Variants in KCNQ5 observed in about 807,000 individuals in gnomAD.
KCNQ5 encodes the protein potassium voltage-gated channel subfamily Q member 5, also known as potassium voltage-gated channel subfamily KQT member 5.
In KCNQ5, 30 loss-of-function variants were observed where a neutral mutation model predicts 98.2. That is an observed-to-expected ratio of 0.31 (90% CI 0.23 to 0.41). The LOEUF (loss-of-function observed/expected upper bound fraction) is 0.41. KCNQ5 is among the 10% of genes least tolerant of loss of function. The pLI is 1.00. For missense variants in KCNQ5, 835 were observed against 1,182.5 expected (o/e 0.71, Z 4.31); for synonymous variants, 458 against 449.4 (o/e 1.02, Z -0.24).
chr6:73,000,254 TG>T (rs1310234916), intron 1 of KCNQ5, among the ~76,000 whole-genome samples: 1 of 152,160 alleles, frequency 6.6e-6, no homozygotes, highest in Non-Finnish European at 1.5e-5. Context: ...GGTCACTCTG[TG>T]TCAGTTCAGT....
At chr6:72,688,490 CTG>C (rs1170380926) in intron 1 of KCNQ5, among the ~76,000 whole-genome samples, 2 of 152,120 alleles carry the variant, frequency 1.3e-5, no homozygotes, top group Non-Finnish European at 2.9e-5. Flanking sequence ...TACAGGGTCT[CTG>C]TGGCAGAATG....
chr6:73,084,219 A>G (rs1773891065), intron 5 of KCNQ5, among the ~76,000 whole-genome samples: 1 of 152,200 alleles, frequency 6.6e-6, no homozygotes, highest in African/African-American at 2.4e-5. Flanking sequence ...AGGGGGCGGG[A>G]TGTGATGGAA....
intron 1 of KCNQ5, among the ~76,000 whole-genome samples, chr6:72,709,745 G>C (rs1015045567): frequency 2.0e-5 from 3 of 152,038 alleles, no homozygotes; most frequent in African/African-American, 7.3e-5. Context: ...CTGTACTACA[G>C]AGATTACCCT....
At chr6:73,104,476 A>G (rs1222873991) in intron 5 of KCNQ5, among the ~76,000 whole-genome samples, 1 of 152,160 alleles carries the variant, frequency 6.6e-6, no homozygotes, top group East Asian at 1.9e-4. Flanking sequence ...TAAATCCACC[A>G]TGCCCCAGTC....
intron 1 of KCNQ5, among the ~76,000 whole-genome samples, chr6:72,838,707 T>C (rs960252819): frequency 1.3e-5 from 2 of 151,686 alleles, no homozygotes. Flanking sequence ...TCCCAGCACT[T>C]TGGGAGGCCG....
intron 3 of KCNQ5, among the ~76,000 whole-genome samples, chr6:73,067,513 G>A (rs1419132623): frequency 6.6e-6 from 1 of 152,126 alleles, no homozygotes; most frequent in Non-Finnish European, 1.5e-5. Flanking sequence ...CCAAGACTCA[G>A]CAAGATTAAT....
intron 1 of KCNQ5, among the ~76,000 whole-genome samples, chr6:72,840,961 A>G (rs1366251145): frequency 6.6e-6 from 1 of 152,172 alleles, no homozygotes; most frequent in East Asian, 1.9e-4. Flanking sequence ...CTTCACTGAG[A>G]TGCTCACTTA....
intron 2 of KCNQ5, among the ~76,000 whole-genome samples, chr6:73,031,930 A>G (rs1294294920): frequency 2.0e-5 from 3 of 152,190 alleles, no homozygotes; most frequent in South Asian, 2.1e-4. Context: ...AGCTATAAGA[A>G]CAGAGACATA....
intron 1 of KCNQ5, among the ~76,000 whole-genome samples, chr6:72,710,170 A>G (rs113015069): frequency 0.013 from 2,031 of 152,244 alleles, 33 homozygotes; most frequent in African/African-American, 0.042. Flanking sequence ...AAGATGTTAA[A>G]AGAATGGACA....
chr6:72,789,892 T>C (rs993054282), intron 1 of KCNQ5, among the ~76,000 whole-genome samples: 12 of 152,176 alleles, frequency 7.9e-5, no homozygotes, highest in African/African-American at 2.4e-4. Context: ...AAAGGACCTC[T>C]TGGATAGGAG....
At chr6:72,719,539 G>A (rs1170668016) in intron 1 of KCNQ5, among the ~76,000 whole-genome samples, 1 of 152,200 alleles carries the variant, frequency 6.6e-6, no homozygotes, top group Non-Finnish European at 1.5e-5. Context: ...AAATGGCCAA[G>A]CCAAGCCAGG....
chr6:72,649,710 G>A (rs1168241863), intron 1 of KCNQ5, among the ~76,000 whole-genome samples: 1 of 152,122 alleles, frequency 6.6e-6, no homozygotes, highest in Non-Finnish European at 1.5e-5. Flanking sequence ...TTAGGATGGT[G>A]TAATTCAGAT....
intron 1 of KCNQ5, among the ~76,000 whole-genome samples, chr6:72,648,759 A>C (rs570416231): frequency 1.3e-5 from 2 of 150,192 alleles, no homozygotes; most frequent in Non-Finnish European, 2.9e-5. Flanking sequence ...ATGGGAGATG[A>C]ATACATGGGC....
At chr6:72,887,645 G>T (rs1230515281) in intron 1 of KCNQ5, among the ~76,000 whole-genome samples, 1 of 152,178 alleles carries the variant, frequency 6.6e-6, no homozygotes, top group African/African-American at 2.4e-5. Context: ...GGTGATTAAA[G>T]TTGTGTTCAG....
intron 3 of KCNQ5, among the ~76,000 whole-genome samples, chr6:73,054,283 C>T (rs1379647800): frequency 6.6e-6 from 1 of 152,142 alleles, no homozygotes; most frequent in Admixed American, 6.6e-5. Flanking sequence ...AGAGCTGGTA[C>T]CATTCCTACT....
chr6:73,131,215 C>T (rs1432728937), intron 9 of KCNQ5, among the ~76,000 whole-genome samples: 1 of 151,868 alleles, frequency 6.6e-6, no homozygotes, highest in Non-Finnish European at 1.5e-5. Context: ...AATGCTAATA[C>T]TTTCATTTTG....
At chr6:73,169,367 A>C (rs1777921070) in intron 10 of KCNQ5, among the ~76,000 whole-genome samples, 2 of 152,230 alleles carry the variant, frequency 1.3e-5, no homozygotes, top group South Asian at 4.1e-4. Flanking sequence ...TATACAGGCC[A>C]GTTAGTTACA....
rs113847322 is a variant in KCNQ5 at position 73,053,698 on chromosome 6, G to A, written c.616+11636G>A. On this transcript the variant is annotated intron_variant, in intron 3 of 13. Coordinates refer to ENST00000370398, the MANE Select transcript of KCNQ5 (RefSeq NM_019842.4). The stretch of plus-strand genomic sequence containing the variant: ...CCAGAATCTCTGGGACACAGCTAAA[G>A]CAATATTAAGAGGGAAGTTTATAGA... Among the ~76,000 whole-genome samples the A allele has an allele frequency of 8.9e-3, 1,356 of 152,176 alleles. 9 individuals carry two copies. The highest frequency in any genetic ancestry group is 0.05 in the East Asian group (257 of 5,180).
At chr6:72,787,126 T>C (rs1386226636) in intron 1 of KCNQ5, among the ~76,000 whole-genome samples, 1 of 151,686 alleles carries the variant, frequency 6.6e-6, no homozygotes, top group African/African-American at 2.4e-5. Flanking sequence ...GTGAGACAAA[T>C]GCAGCCCCCC....
Sources: allele counts gnomAD v4.1 joint callset (sites outside exome capture counted in the v4.1 genomes callset), GRCh38; gene constraint gnomAD v4.1.1; transcripts MANE v1.5; gene names NCBI Gene and HGNC (gene_info 2026-07-23, HGNC 2026-07-21).